Variants in ATXN1 observed in about 807,000 individuals in gnomAD.
The protein encoded by ATXN1 is ataxin-1.
A neutral mutation model predicts 56.4 loss-of-function variants in ATXN1; 8 were observed. That is an observed-to-expected ratio of 0.14 (90% CI 0.08 to 0.26). The LOEUF (loss-of-function observed/expected upper bound fraction) is 0.26, where lower values mean the gene tolerates loss of function less well. ATXN1 is among the 10% of genes least tolerant of loss of function. ATXN1 has a pLI of 1.00. For synonymous variants in ATXN1, 514 were observed against 494.6 expected, an observed-to-expected ratio of 1.04 and a Z score of -0.52; for missense variants, 987 against 1,106.5, an observed-to-expected ratio of 0.89 and a Z score of 1.53.
intron 4 of ATXN1, among the ~76,000 whole-genome samples, chr6:16,551,936 A>C (rs2113729079): frequency 6.6e-6 from 1 of 152,320 alleles, no homozygotes; most frequent in African/African-American, 2.4e-5. Flanking sequence ...AGCGTCTTTA[A>C]ATCGAAAAAT....
Position 16,328,066 on chromosome 6 carries a change from G to A in ATXN1, c.245C>T (p.Ser82Phe). Residue 82 changes from serine to phenylalanine, a missense_variant, in exon 7 of 8, where the codon TCC (serine) becomes TTC (phenylalanine). By Grantham distance (155) the Ser-to-Phe change is radical. This residue lies in a region of ATXN1 where 723 missense variants were observed against 791.7 expected (regional missense o/e 0.91). Transcript: ENST00000436367. This position sits in a 1 kb window ranked among gnomAD's most constrained non-coding sequence, Gnocchi z 6.2. ...QQGIGLHKAL[S>F]TGLDYSPPSA... ...GGGCGGGGAGTAGTCCAGCCCTGTG[G>A]ACAATGCTTTGTGTAAACCTATTCC... The A allele has an allele frequency of 1.9e-6, 3 of 1,613,168 alleles. No individual in the cohort carries two copies. The highest frequency in any genetic ancestry group is 2.5e-6 in the Non-Finnish European group (3 of 1,179,402).
chr6:16,642,080 T>C lies in ATXN1; in HGVS notation c.-489+15696A>G, dbSNP rs1763715868. 1.3e-5 allele frequency among the ~76,000 whole-genome samples: 2 copies of C among 152,162 alleles called. 1 individual carries two copies. The highest frequency in any genetic ancestry group is 1.3e-4 in the Admixed American group (2 of 15,264). On this transcript the variant is annotated intron_variant, in intron 3 of 7. Transcript: ENST00000436367. ...TTCAGCAGATGAGGAGTTGCCTCTA[T>C]GGAGGAGCAAAGAAAGTGGTTTCAT...
chr6:16,697,598 C>T (rs1015879047), intron 2 of ATXN1, among the ~76,000 whole-genome samples: 2 of 150,972 alleles, frequency 1.3e-5, no homozygotes, highest in Non-Finnish European at 2.9e-5. Context: ...CCACCCGCCC[C>T]TCCCCCACCC....
At chr6:16,548,636 A>C (rs921196802) in intron 4 of ATXN1, among the ~76,000 whole-genome samples, 1 of 152,054 alleles carries the variant, frequency 6.6e-6, no homozygotes, top group East Asian at 1.9e-4. Flanking sequence ...TTTTAAAACA[A>C]TACTAAGGCA....
chr6:16,740,419 G>C (rs1251334199), intron 2 of ATXN1, among the ~76,000 whole-genome samples: 1 of 152,140 alleles, frequency 6.6e-6, no homozygotes, highest in Non-Finnish European at 1.5e-5. Flanking sequence ...CTAGTAGAAA[G>C]ACAGCAGATA....
chr6:16,608,173 G>A (rs1048099066), intron 3 of ATXN1, among the ~76,000 whole-genome samples: 3 of 152,196 alleles, frequency 2.0e-5, no homozygotes, highest in African/African-American at 7.2e-5. Context: ...AGAACCATCT[G>A]CGACTTGGAT....
At chr6:16,482,194 C>T (rs996065150) in intron 6 of ATXN1, among the ~76,000 whole-genome samples, 1 of 152,148 alleles carries the variant, frequency 6.6e-6, no homozygotes, top group African/African-American at 2.4e-5. Flanking sequence ...CAGGCCCACA[C>T]ATGAGAGGCA....
At chr6:16,562,509 A>AGGAGAGGAGAGGAG (rs1762142376) in intron 4 of ATXN1, among the ~76,000 whole-genome samples, 1 of 151,674 alleles carries the variant, frequency 6.6e-6, no homozygotes, top group Admixed American at 6.6e-5. Context: ...AGGAAAGGAA[A>AGGAGAGGAGAGGAG]AAGAAAAGAA....
At chr6:16,705,369 A>G (rs1428341734) in intron 2 of ATXN1, among the ~76,000 whole-genome samples, 3 of 152,186 alleles carry the variant, frequency 2.0e-5, no homozygotes, top group African/African-American at 7.2e-5. Context: ...CAAGTAACGT[A>G]AACATCCACA....
chr6:16,535,132 T>A (rs893165706), intron 4 of ATXN1, among the ~76,000 whole-genome samples: 13 of 152,206 alleles, frequency 8.5e-5, no homozygotes, highest in Admixed American at 2.6e-4. Context: ...CTAAAGTCAA[T>A]CTGTAGCATG....
intron 5 of ATXN1, among the ~76,000 whole-genome samples, chr6:16,507,414 G>C (rs947785856): frequency 1.4e-4 from 21 of 152,186 alleles, no homozygotes; most frequent in African/African-American, 3.6e-4. Flanking sequence ...ACTGACCTTT[G>C]AATACGCCAG....
intron 6 of ATXN1, among the ~76,000 whole-genome samples, chr6:16,440,827 T>C (rs1342498556): frequency 1.3e-5 from 2 of 151,962 alleles, no homozygotes; most frequent in Admixed American, 6.6e-5. Context: ...CAAAAACCCA[T>C]GGACCACATC....
At chr6:16,724,552 T>C (rs982360303) in intron 2 of ATXN1, among the ~76,000 whole-genome samples, 1 of 152,184 alleles carries the variant, frequency 6.6e-6, no homozygotes, top group African/African-American at 2.4e-5. Flanking sequence ...CCACTGGAGC[T>C]GGCTATTTAC....
chr6:16,661,368 G>T lies in ATXN1; in HGVS notation c.-614-3467C>A, dbSNP rs79341431. 4.9e-3 allele frequency among the ~76,000 whole-genome samples: 740 copies of T among 152,110 alleles called. 11 individuals are homozygous for T. Among genetic ancestry groups the T allele is most frequent in the African/African-American group, 0.017 (689 of 41,498 alleles). Reference sequence around the variant, plus strand: ...GAAAGGCCTTGTAGGCCATTGTAAAGATACCGACTTTTAAGTAAAATGGGA... The same window carrying T: ...GAAAGGCCTTGTAGGCCATTGTAAATATACCGACTTTTAAGTAAAATGGGA... On this transcript the variant is annotated intron_variant, in intron 2 of 7. Coordinates refer to ENST00000436367, the MANE Select transcript of ATXN1 (RefSeq NM_001128164.2).
intron 3 of ATXN1, among the ~76,000 whole-genome samples, chr6:16,655,038 G>A (rs1338022055): frequency 2.6e-5 from 4 of 152,122 alleles, no homozygotes; most frequent in Admixed American, 6.5e-5. Flanking sequence ...TTCAGAAAGG[G>A]GATGTTTAGT....
At chr6:16,678,960 C>G (rs972531937) in intron 2 of ATXN1, among the ~76,000 whole-genome samples, 1 of 151,300 alleles carries the variant, frequency 6.6e-6, no homozygotes, top group Non-Finnish European at 1.5e-5. Context: ...CGCTTGAACT[C>G]GAGAGACAGA....
chr6:16,342,244 G>A (rs1032494988), intron 6 of ATXN1, among the ~76,000 whole-genome samples: 5 of 151,918 alleles, frequency 3.3e-5, no homozygotes, highest in South Asian at 4.2e-4. Flanking sequence ...CACAAAAGTC[G>A]TGTTCTAACC....
At chr6:16,696,683 G>A (rs1382675571) in intron 2 of ATXN1, among the ~76,000 whole-genome samples, 5 of 152,114 alleles carry the variant, frequency 3.3e-5, no homozygotes, top group South Asian at 2.1e-4. Context: ...TAAGAATTAC[G>A]GTTTTGCATT....
At chr6:16,613,592 T>TGAGGCAGGATTGCTC (rs1763153359) in intron 3 of ATXN1, among the ~76,000 whole-genome samples, 1 of 149,426 alleles carries the variant, frequency 6.7e-6, no homozygotes, top group South Asian at 2.1e-4. Flanking sequence ...TTTGGGAGGC[T>TGAGGCAGGATTGCTC]GAGGCAGGAT....
Sources: allele counts gnomAD v4.1 joint callset (sites outside exome capture counted in the v4.1 genomes callset), GRCh38; gene constraint gnomAD v4.1.1; regional missense constraint gnomAD v4.1.1; non-coding constraint Gnocchi (gnomAD v3.1); transcripts MANE v1.5; gene names NCBI Gene and HGNC (gene_info 2026-07-23, HGNC 2026-07-21).